Variants in TMEM38B observed in about 807,000 individuals in gnomAD.
TMEM38B encodes the protein transmembrane protein 38B, also known as trimeric intracellular cation channel type B.
TMEM38B carries 24 observed loss-of-function variants against 28.7 expected under a neutral mutation model. The ratio of observed to expected loss-of-function variants is 0.84; its 90% CI spans 0.61 to 1.18. The LOEUF (loss-of-function observed/expected upper bound fraction) is 1.18. Ranked by LOEUF, TMEM38B falls within the 50% of genes most tolerant of loss-of-function variation. TMEM38B has a pLI of 0.00. For missense variants in TMEM38B, 380 were observed against 350.9 expected, an observed-to-expected ratio of 1.08 and a Z score of -0.66; for synonymous variants, 131 against 127.7, an observed-to-expected ratio of 1.03 and a Z score of -0.17.
chr9:105,769,445 A>C (rs926173031), intron 5 of TMEM38B, among the ~76,000 whole-genome samples: 6 of 152,244 alleles, frequency 3.9e-5, no homozygotes, highest in Admixed American at 1.3e-4. Context: ...CCTCCTGAGT[A>C]GTTGGGACTA....
At position 105,775,059 on chromosome 9, in the gene TMEM38B, A is replaced by C. The variant is rs1430127599; in HGVS notation, c.*979A>C. ...TCTTTTTTCTAGTGGCTACTGTTTTAGTTTTCTAGTTGAATATCTCTGACA... is the reference window on the plus strand; with the variant it reads ...TCTTTTTTCTAGTGGCTACTGTTTTCGTTTTCTAGTTGAATATCTCTGACA... On this transcript the variant is annotated 3_prime_UTR_variant, in exon 6 of 6. Coordinates refer to ENST00000374692, the MANE Select transcript of TMEM38B (RefSeq NM_018112.3). The C allele has an allele frequency of 6.6e-6, 1 of 152,044 alleles. No individual in the cohort carries two copies. Among genetic ancestry groups the C allele is most frequent in the Non-Finnish European group, 1.5e-5 (1 of 67,938 alleles). 9.4% of individuals were successfully genotyped at this position (152,044 alleles called of 1,614,324 possible).
At chr9:105,699,582 T>C (rs1835396950) in intron 1 of TMEM38B, among the ~76,000 whole-genome samples, 1 of 152,174 alleles carries the variant, frequency 6.6e-6, no homozygotes, top group Admixed American at 6.5e-5. Flanking sequence ...CTGCCTAAGG[T>C]GTGAAGGACT....
chr9:105,760,347 T>A, intron 5 of TMEM38B: 1 of 768,414 alleles, frequency 1.3e-6, no homozygotes, highest in Non-Finnish European at 2.4e-6. Context: ...TCTTACTGGA[T>A]CATCATCAGG....
chr9:105,772,684 G>T (rs1042582219), intron 5 of TMEM38B, among the ~76,000 whole-genome samples: 1 of 151,946 alleles, frequency 6.6e-6, no homozygotes, highest in Non-Finnish European at 1.5e-5. Flanking sequence ...TAAAAATTGA[G>T]TTCAAATTCA....
At chr9:105,761,895 G>A (rs1049183976) in intron 5 of TMEM38B, among the ~76,000 whole-genome samples, 16 of 152,198 alleles carry the variant, frequency 1.1e-4, no homozygotes, top group African/African-American at 3.9e-4. Context: ...CAAGATAGTG[G>A]CACATTGACT....
chr9:105,716,512 A>C (rs920017099), intron 2 of TMEM38B, among the ~76,000 whole-genome samples: 1 of 152,110 alleles, frequency 6.6e-6, no homozygotes, highest in Admixed American at 6.5e-5. Flanking sequence ...CAAGTAGTAC[A>C]GTGTTGTGGG....
intron 2 of TMEM38B, chr9:105,710,764 C>T (rs550645030): frequency 1.5e-4 from 83 of 544,664 alleles, no homozygotes; most frequent in South Asian, 1.2e-3. Flanking sequence ...GTTGGGGAGA[C>T]GGCAGGTAGC....
chr9:105,757,908 G>T (rs148206825), intron 5 of TMEM38B, among the ~76,000 whole-genome samples: 1 of 152,326 alleles, frequency 6.6e-6, no homozygotes, highest in Admixed American at 6.5e-5. Flanking sequence ...GAGCAGTTTG[G>T]CAATATCTGA....
chr9:105,742,403 G>A (rs982658184), intron 4 of TMEM38B, among the ~76,000 whole-genome samples: 2 of 152,174 alleles, frequency 1.3e-5, no homozygotes, highest in Admixed American at 1.3e-4. Context: ...TTTCAAAATG[G>A]CTTGGGACTG....
chr9:105,768,085 A>G (rs1826431883), intron 5 of TMEM38B, among the ~76,000 whole-genome samples: 1 of 152,050 alleles, frequency 6.6e-6, no homozygotes, highest in Non-Finnish European at 1.5e-5. Flanking sequence ...ATCCTTTATG[A>G]GGTTAAGGAA....
At chr9:105,736,035 A>G (rs1302781057) in intron 4 of TMEM38B, among the ~76,000 whole-genome samples, 3 of 149,738 alleles carry the variant, frequency 2.0e-5, no homozygotes, top group African/African-American at 7.5e-5. Context: ...ATGCCTGACT[A>G]ACTAAAACAC....
At chr9:105,768,865 T>C (rs1826457732) in intron 5 of TMEM38B, among the ~76,000 whole-genome samples, 1 of 152,196 alleles carries the variant, frequency 6.6e-6, no homozygotes, top group Non-Finnish European at 1.5e-5. Flanking sequence ...TTTGGTTTCA[T>C]TGGTTTTTCT....
chr9:105,699,563 A>T (rs7026251), intron 1 of TMEM38B, among the ~76,000 whole-genome samples: 61,401 of 152,038 alleles, frequency 0.4, 13,782 homozygotes, highest in East Asian at 0.59. Context: ...AAAGGGGATT[A>T]ACTCTTTTCT....
intron 4 of TMEM38B, among the ~76,000 whole-genome samples, chr9:105,733,866 G>A (rs976991986): frequency 9.9e-5 from 15 of 151,914 alleles, no homozygotes; most frequent in East Asian, 3.9e-4. Flanking sequence ...TTTGCTGAGC[G>A]TAGCTAAGCA....
Position 105,729,512 on chromosome 9 carries a change from C to T in TMEM38B, c.542+6891C>T, listed in dbSNP as rs7862944. ...TGTAGTATAGTTTGAAGTCAGGTAGCGTGATGCCTCCAGCTTTGTTCTTTT... is the reference window on the plus strand; with the variant it reads ...TGTAGTATAGTTTGAAGTCAGGTAGTGTGATGCCTCCAGCTTTGTTCTTTT... On this transcript the variant is annotated intron_variant, in intron 4 of 5. Transcript: ENST00000374692. 2.5e-3 allele frequency among the ~76,000 whole-genome samples: 382 copies of T among 152,186 alleles called. 2 individuals carry two copies. The highest frequency in any genetic ancestry group is 8.3e-3 in the African/African-American group (343 of 41,522).
intron 4 of TMEM38B, among the ~76,000 whole-genome samples, chr9:105,738,587 CTTTTGATGTCAAT>C (rs931152954): frequency 2.4e-4 from 36 of 151,746 alleles, no homozygotes; most frequent in African/African-American, 7.8e-4. Context: ...GTTTCTTATG[CTTTTGATGTCAAT>C]TTTTGATGTC....
chr9:105,765,657 G>A (rs1826347535), intron 5 of TMEM38B, among the ~76,000 whole-genome samples: 1 of 152,056 alleles, frequency 6.6e-6, no homozygotes, highest in Non-Finnish European at 1.5e-5. Flanking sequence ...GTAGTATTAG[G>A]TACCACAATT....
rs749105637 is a variant in TMEM38B, at chr9:105,694,770, C to T, written c.110C>T (p.Pro37Leu). Residue 37 changes from proline (P) to leucine (L), a missense_variant and splice_region_variant, in exon 1 of 6, where the codon CCG becomes CTG. Pro to Leu is a moderately conservative substitution (Grantham distance 98, BLOSUM62 -3). Transcript: ENST00000374692. ...TCAGTGATGGCGGTGAAACGTCAGC[C>T]GGGTGAGTGCGGGGCGCCGCGGGCC... The part of the protein sequence containing the change: ...LVSVMAVKRQ[P>L]GAAALAWKNP... 7.4e-7 allele frequency: 1 copy of T among 1,358,254 alleles called. No homozygotes were observed. The highest frequency in any genetic ancestry group is 9.7e-7 in the Non-Finnish European group (1 of 1,030,434). 84.1% of individuals were successfully genotyped at this position (1,358,254 alleles called of 1,614,324 possible). A position where few individuals can be genotyped will look rare whatever the true frequency, so the allele number is the denominator to read the frequency against.
intron 2 of TMEM38B, among the ~76,000 whole-genome samples, chr9:105,712,859 G>T (rs1835955079): frequency 6.6e-6 from 1 of 152,188 alleles, no homozygotes; most frequent in South Asian, 2.1e-4. Context: ...GATGGGGCTG[G>T]GCCAGGCTGG....
Sources: gnomAD v4.1 joint callset for allele counts (sites outside exome capture counted in the v4.1 genomes callset) on GRCh38, gnomAD v4.1.1 for gene constraint, MANE v1.5 for transcripts, NCBI Gene and HGNC (gene_info 2026-07-23, HGNC 2026-07-21) for gene names.